The following ATP5F1E variants were observed in gnomAD, a reference collection of about 807,000 sequenced individuals.
ATP5F1E encodes ATP synthase F(1) complex subunit epsilon, mitochondrial.
Under a neutral mutation model 7.0 loss-of-function variants are expected in ATP5F1E, and 5 were observed. The ratio of observed to expected loss-of-function variants is 0.71; its 90% CI spans 0.37 to 1.49. ATP5F1E has a LOEUF of 1.49. ATP5F1E is among the 40% of genes most tolerant of loss of function. The probability of loss-of-function intolerance (pLI) is 0.03; values close to 1 mark genes in which losing one functional copy is unlikely to be tolerated. For missense variants in ATP5F1E, 59 were observed against 57.1 expected (o/e 1.03, Z -0.11); for synonymous variants, 20 against 20.1 (o/e 0.99, Z 0.02).
rs2092036690 is a variant in ATP5F1E at position 59,032,202 on chromosome 20, C to T, written c.32+18G>A. 6.4e-7 allele frequency: 1 copy of T among 1,570,646 alleles called. No individual in the cohort carries two copies. The highest frequency in any genetic ancestry group is 2.3e-5 in the East Asian group (1 of 42,640). On this transcript the variant is annotated intron_variant, in intron 1 of 2. Transcript: ENST00000243997. Reference sequence around the variant, plus strand: ...GGGCCGGCTCGCGAAGCCCTTCCCTCTGGAGGCCTGGGCCTACCTGAGTCC... The same window carrying T: ...GGGCCGGCTCGCGAAGCCCTTCCCTTTGGAGGCCTGGGCCTACCTGAGTCC...
Position 59,026,070 on chromosome 20 carries a change from G to GT in ATP5F1E, c.*2774dup, listed in dbSNP as rs1365201514. The GT allele has an allele frequency of 6.6e-6, 1 of 152,122 alleles. No homozygotes were observed. The highest frequency in any genetic ancestry group is 1.5e-5 in the Non-Finnish European group (1 of 68,046). The allele number at this position is 152,122 out of a possible 1,614,324, so 9.4% of individuals were successfully genotyped here. A position where few individuals can be genotyped will look rare whatever the true frequency, so the allele number is the denominator to read the frequency against. On this transcript the variant is annotated 3_prime_UTR_variant, in exon 3 of 3. Coordinates refer to ENST00000243997, the MANE Select transcript of ATP5F1E (RefSeq NM_006886.4). ...GGAAAATGCTCCGACCCTCAATGCAGTAAATATTTACTTGCAGGCAACTGG... is the reference window on the plus strand; with the variant it reads ...GGAAAATGCTCCGACCCTCAATGCAGTTAAATATTTACTTGCAGGCAACTGG...
rs534884323 is a variant in ATP5F1E, at chr20:59,027,767, G to A, written c.*1078C>T. The A allele has an allele frequency of 2.0e-5, 3 of 152,302 alleles. No homozygotes were observed. The highest frequency in any genetic ancestry group is 7.2e-5 in the African/African-American group (3 of 41,548). 9.4% of individuals were successfully genotyped at this position (152,302 alleles called of 1,614,324 possible). ...TGCCTCCCTGCTCGCTCTGTGCTGA[G>A]AATTCAGTAAAACCTACAGGTCAAG... On this transcript the variant is annotated 3_prime_UTR_variant, in exon 3 of 3. Coordinates refer to ENST00000243997, the MANE Select transcript of ATP5F1E (RefSeq NM_006886.4).
At chr20:59,030,893 A>C (rs940815772) in intron 1 of ATP5F1E, among the ~76,000 whole-genome samples, 4 of 152,242 alleles carry the variant, frequency 2.6e-5, no homozygotes, top group African/African-American at 9.6e-5. Context: ...AATTCGTTCT[A>C]AATTATTTAA....
In ATP5F1E at chr20:59,032,297, G is replaced by T. The variant is rs374732925; in HGVS notation, c.-46C>A. On this transcript the variant is annotated 5_prime_UTR_variant, in exon 1 of 3. Coordinates refer to ENST00000243997, the MANE Select transcript of ATP5F1E (RefSeq NM_006886.4). ...CGTCGGGCCGAATCGCCAAGACGCC[G>T]GCAATGTCGGCTCAGCCGGGCGGTT... is the stretch of plus-strand genomic sequence containing the variant. 14 of 1,584,366 alleles carry T rather than the reference G, an allele frequency of 8.8e-6. No individual in the cohort carries two copies. The African/African-American group carries it at 1.6e-4, about 18-fold the overall frequency.
chr20:59,028,317 T>C lies in ATP5F1E; in HGVS notation c.*528A>G, dbSNP rs1000927276. The C allele has an allele frequency of 3.2e-4, 48 of 152,370 alleles. No individual in the cohort carries two copies. Among genetic ancestry groups the C allele is most frequent in the African/African-American group, 1.1e-3 (45 of 41,588 alleles). The allele number at this position is 152,370 out of a possible 1,614,324, so 9.4% of individuals were successfully genotyped here. On this transcript the variant is annotated 3_prime_UTR_variant, in exon 3 of 3. Transcript: ENST00000243997. ...TAAATTCTGTAACCGTTCTTATCTA[T>C]AGGCTTTAAGTGCACAATACAAAAC... is the stretch of plus-strand genomic sequence containing the variant.
At chr20:59,032,103 C>T (rs921303485) in intron 1 of ATP5F1E, 117 bp downstream of exon 1, 2 of 1,431,506 alleles carry the variant, frequency 1.4e-6, no homozygotes, top group East Asian at 5.1e-5. Context: ...ACGCCCGAGG[C>T]TTGGCCCAAC....
rs779379373 is a variant in ATP5F1E at position 59,030,439 on chromosome 20, A to G, written c.33-10T>C. The G allele has an allele frequency of 6.2e-7, 1 of 1,613,438 alleles. No homozygotes were observed. Among genetic ancestry groups the G allele is most frequent in the Non-Finnish European group, 8.5e-7 (1 of 1,179,606 alleles). On this transcript the variant is annotated splice_polypyrimidine_tract_variant and intron_variant, in intron 1 of 2. Coordinates refer to ENST00000243997, the MANE Select transcript of ATP5F1E (RefSeq NM_006886.4). ...GGAGTATCGGATGTAGCTGGGAGAAAATGAGAGAAGGTATATGGTTAATTA... is the reference window on the plus strand; with the variant it reads ...GGAGTATCGGATGTAGCTGGGAGAAGATGAGAGAAGGTATATGGTTAATTA...
rs1384593013 is a variant in ATP5F1E, at chr20:59,027,765, G to A, written c.*1080C>T. 6.6e-6 allele frequency: 1 copy of A among 152,196 alleles called. No homozygotes were observed. The highest frequency in any genetic ancestry group is 1.9e-4 in the East Asian group (1 of 5,186). The allele number at this position is 152,196 out of a possible 1,614,324, so 9.4% of individuals were successfully genotyped here. The stretch of plus-strand genomic sequence containing the variant: ...TCTGCCTCCCTGCTCGCTCTGTGCT[G>A]AGAATTCAGTAAAACCTACAGGTCA... On this transcript the variant is annotated 3_prime_UTR_variant, in exon 3 of 3. Transcript: ENST00000243997.
intron 2 of ATP5F1E, chr20:59,029,398 T>C (rs973414049): frequency 1.3e-5 from 2 of 152,198 alleles, no homozygotes; most frequent in African/African-American, 4.8e-5. Context: ...TAATAAAATA[T>C]TTACTAATTC....
chr20:59,032,325 G>A lies in ATP5F1E; in HGVS notation c.-74C>T. The A allele has an allele frequency of 6.4e-7, 1 of 1,552,336 alleles. No homozygotes were observed. Among genetic ancestry groups the A allele is most frequent in the South Asian group, 1.2e-5 (1 of 84,782 alleles). ...AATGTCGGCTCAGCCGGGCGGTTCA[G>A]CCGCAGGAAGATCAGACCACAGAAG... On this transcript the variant is annotated 5_prime_UTR_variant, in exon 1 of 3. Transcript: ENST00000243997.
intron 1 of ATP5F1E, among the ~76,000 whole-genome samples, chr20:59,032,014 G>T (rs969666381): frequency 2.0e-5 from 3 of 152,252 alleles, no homozygotes; most frequent in Admixed American, 2.0e-4. Flanking sequence ...AGCGAGGCAG[G>T]ACACAGACGC....
intron 1 of ATP5F1E, among the ~76,000 whole-genome samples, chr20:59,031,642 G>A (rs2146384698): frequency 6.6e-6 from 1 of 152,314 alleles, no homozygotes; most frequent in Middle Eastern, 3.4e-3. Flanking sequence ...CCATATTTGA[G>A]CTTTCCAGGA....
chr20:59,030,436 G>GA lies in ATP5F1E; in HGVS notation c.33-8dup. On this transcript the variant is annotated splice_polypyrimidine_tract_variant and splice_region_variant and intron_variant, in intron 1 of 2. Coordinates refer to ENST00000243997, the MANE Select transcript of ATP5F1E (RefSeq NM_006886.4). ...CTGGGAGTATCGGATGTAGCTGGGAGAAAATGAGAGAAGGTATATGGTTAA... is the reference window on the plus strand; with the variant it reads ...CTGGGAGTATCGGATGTAGCTGGGAGAAAAATGAGAGAAGGTATATGGTTAA... The GA allele has an allele frequency of 6.2e-7, 1 of 1,613,464 alleles. No individual in the cohort carries two copies. The highest frequency in any genetic ancestry group is 8.5e-7 in the Non-Finnish European group (1 of 1,179,602).
chr20:59,029,855 T>C (rs1333787910), intron 2 of ATP5F1E: 2 of 213,850 alleles, frequency 9.4e-6, no homozygotes, highest in Admixed American at 1.1e-4. Context: ...GTAGTTATTA[T>C]GTTCGGGAAG....
chr20:59,030,708 G>A (rs1393131462), intron 1 of ATP5F1E, among the ~76,000 whole-genome samples: 2 of 152,090 alleles, frequency 1.3e-5, no homozygotes, highest in African/African-American at 4.8e-5. Context: ...AATTCAAAAT[G>A]AAAGATGCAT....
chr20:59,026,432 A>G lies in ATP5F1E; in HGVS notation c.*2413T>C, dbSNP rs780814267. 4.6e-5 allele frequency: 7 copies of G among 152,240 alleles called. No homozygotes were observed. The highest frequency in any genetic ancestry group is 1.2e-4 in the African/African-American group (5 of 41,460). The allele number at this position is 152,240 out of a possible 1,614,324, so 9.4% of individuals were successfully genotyped here. On this transcript the variant is annotated 3_prime_UTR_variant, in exon 3 of 3. Coordinates refer to ENST00000243997, the MANE Select transcript of ATP5F1E (RefSeq NM_006886.4). ...ACTTACAGCCTGCGATTATACAAGG[A>G]TTTACACATGCTTCCTCTGGTGCTT... is the stretch of plus-strand genomic sequence containing the variant.
Position 59,032,328 on chromosome 20 carries a change from G to C in ATP5F1E, c.-77C>G. ...GTCGGCTCAGCCGGGCGGTTCAGCC[G>C]CAGGAAGATCAGACCACAGAAGCGG... On this transcript the variant is annotated 5_prime_UTR_variant, in exon 1 of 3. Coordinates refer to ENST00000243997, the MANE Select transcript of ATP5F1E (RefSeq NM_006886.4). The C allele has an allele frequency of 1.9e-6, 3 of 1,547,892 alleles. No homozygotes were observed. The highest frequency in any genetic ancestry group is 1.7e-4 in the Middle Eastern group (1 of 5,846).
At chr20:59,031,784 C>T (rs2092032761) in intron 1 of ATP5F1E, among the ~76,000 whole-genome samples, 1 of 152,204 alleles carries the variant, frequency 6.6e-6, no homozygotes, top group Non-Finnish European at 1.5e-5. Flanking sequence ...GGCTCCACCT[C>T]GATGCTGGAT....
rs1427026389 is a variant in ATP5F1E at position 59,026,368 on chromosome 20, T to C, written c.*2477A>G. 1 of 152,232 alleles carries C rather than the reference T, an allele frequency of 6.6e-6. No individual in the cohort carries two copies. Among genetic ancestry groups the C allele is most frequent in the East Asian group, 1.9e-4 (1 of 5,202 alleles). The allele number at this position is 152,232 out of a possible 1,614,324, so 9.4% of individuals were successfully genotyped here. A position where few individuals can be genotyped will look rare whatever the true frequency, so the allele number is the denominator to read the frequency against. On this transcript the variant is annotated 3_prime_UTR_variant, in exon 3 of 3. Transcript: ENST00000243997. ...GATTTAGTAAGAAACTCTACCTATA[T>C]ACTTAGTTTGAAGTTAGTAACTTCC...
Sources: gnomAD v4.1 joint callset for allele counts (sites outside exome capture counted in the v4.1 genomes callset) on GRCh38, gnomAD v4.1.1 for gene constraint, MANE v1.5 for transcripts, NCBI Gene and HGNC (gene_info 2026-07-23, HGNC 2026-07-21) for gene names.